Variants in CNTNAP4 observed in about 807,000 individuals in gnomAD.
The protein encoded by CNTNAP4 is contactin associated protein family member 4, also known as contactin-associated protein-like 4.
A neutral mutation model predicts 148.4 loss-of-function variants in CNTNAP4; 98 were observed. That is an observed-to-expected ratio of 0.66 (90% CI 0.56 to 0.78). The LOEUF (loss-of-function observed/expected upper bound fraction) is 0.78, where lower values mean the gene tolerates loss of function less well. Among genes scored for constraint, CNTNAP4 ranks in the 30% least tolerant of loss-of-function variants. The pLI is 0.00. For synonymous variants in CNTNAP4, 730 were observed against 565.1 expected (o/e 1.29, Z -4.14); for missense variants, 1,935 against 1,565.6 (o/e 1.24, Z -3.98).
intron 4 of CNTNAP4, among the ~76,000 whole-genome samples, chr16:76,428,454 G>T (rs1476181967): frequency 2.0e-5 from 3 of 150,982 alleles, no homozygotes; most frequent in Non-Finnish European, 2.9e-5. Context: ...TTTATTTTTA[G>T]CTACTAAAGC....
chr16:76,355,968 G>A (rs1375985294), intron 3 of CNTNAP4, among the ~76,000 whole-genome samples: 2 of 151,752 alleles, frequency 1.3e-5, no homozygotes, highest in East Asian at 1.9e-4. Flanking sequence ...TCTGCCTCCC[G>A]GGTTCAAGCG....
intron 1 of CNTNAP4, among the ~76,000 whole-genome samples, chr16:76,282,878 T>G (rs929110623): frequency 6.6e-6 from 1 of 151,962 alleles, no homozygotes; most frequent in African/African-American, 2.4e-5. Context: ...TTTTCAGTTT[T>G]TTTTCAAAAC....
At chr16:76,318,113 T>C (rs967327382) in intron 2 of CNTNAP4, among the ~76,000 whole-genome samples, 1 of 152,184 alleles carries the variant, frequency 6.6e-6, no homozygotes, top group African/African-American at 2.4e-5. Flanking sequence ...CCTGTACCTA[T>C]GGACCCACCA....
intron 3 of CNTNAP4, 62 bp downstream of exon 3, chr16:76,355,573 G>T: frequency 1.6e-6 from 2 of 1,212,502 alleles, no homozygotes; most frequent in Non-Finnish European, 2.2e-6. Flanking sequence ...ACTGCATCTT[G>T]TTTACCAATC....
chr16:76,473,583 C>G (rs540312815), intron 10 of CNTNAP4, among the ~76,000 whole-genome samples: 2 of 152,156 alleles, frequency 1.3e-5, no homozygotes, highest in African/African-American at 4.8e-5. Flanking sequence ...ACCATCCTGG[C>G]TAACATGGTG....
intron 3 of CNTNAP4, among the ~76,000 whole-genome samples, chr16:76,373,755 C>T (rs879913647): frequency 6.6e-6 from 1 of 151,814 alleles, no homozygotes; most frequent in Non-Finnish European, 1.5e-5. Context: ...ATTAGCCAGG[C>T]ATGGTGGCAG....
At chr16:76,452,843 C>T (rs2080565854) in intron 8 of CNTNAP4, 74 bp downstream of exon 8, 7 of 1,307,074 alleles carry the variant, frequency 5.4e-6, no homozygotes, top group Non-Finnish European at 7.2e-6. Flanking sequence ...AAATTTTATG[C>T]ATAACCAAAA....
At chr16:76,292,599 T>C (rs16944162) in intron 1 of CNTNAP4, among the ~76,000 whole-genome samples, 4,569 of 152,284 alleles carry the variant, frequency 0.03, 234 homozygotes, top group African/African-American at 0.1. Context: ...AGAGGCATGA[T>C]TTACTATTTA....
At chr16:76,478,838 T>C (rs922352786) in intron 11 of CNTNAP4, among the ~76,000 whole-genome samples, 1 of 152,194 alleles carries the variant, frequency 6.6e-6, no homozygotes, top group Non-Finnish European at 1.5e-5. Context: ...GGTGGGAGTT[T>C]CTTTTGTAAA....
At chr16:76,373,961 A>G (rs904440742) in intron 3 of CNTNAP4, among the ~76,000 whole-genome samples, 4 of 152,082 alleles carry the variant, frequency 2.6e-5, no homozygotes, top group Non-Finnish European at 4.4e-5. Context: ...CATAGCCTAC[A>G]GAATTGTGTC....
intron 8 of CNTNAP4, among the ~76,000 whole-genome samples, chr16:76,460,475 G>C (rs2080898505): frequency 1.3e-5 from 2 of 149,954 alleles, no homozygotes. Context: ...TAAGAATATA[G>C]TTAGGGCCAG....
At chr16:76,393,775 G>A (rs1329886994) in intron 3 of CNTNAP4, among the ~76,000 whole-genome samples, 1 of 152,136 alleles carries the variant, frequency 6.6e-6, no homozygotes, top group African/African-American at 2.4e-5. Flanking sequence ...ACTTCAGCCT[G>A]CGGTGCTATG....
At chr16:76,363,072 T>C (rs1193451533) in intron 3 of CNTNAP4, among the ~76,000 whole-genome samples, 1 of 144,896 alleles carries the variant, frequency 6.9e-6, no homozygotes. Flanking sequence ...AAAAAAAAAA[T>C]AGACAATGGG....
chr16:76,457,247 C>A (rs1433352745), intron 8 of CNTNAP4, among the ~76,000 whole-genome samples: 2 of 152,150 alleles, frequency 1.3e-5, no homozygotes, highest in Non-Finnish European at 2.9e-5. Flanking sequence ...CAATTAGAAT[C>A]TAATTTAAAA....
chr16:76,512,876 AATGTTGT>A (rs1367768274), intron 15 of CNTNAP4, among the ~76,000 whole-genome samples: 2 of 152,212 alleles, frequency 1.3e-5, no homozygotes, highest in Non-Finnish European at 2.9e-5. Context: ...AACTGTGTTA[AATGTTGT>A]TAGCTTAAGT....
chr16:76,312,587 A>C (rs994796692), intron 1 of CNTNAP4, among the ~76,000 whole-genome samples: 1 of 152,194 alleles, frequency 6.6e-6, no homozygotes, highest in East Asian at 1.9e-4. Flanking sequence ...AAAAAATAGC[A>C]TGGCAAACCT....
chr16:76,341,724 T>C (rs1964484240), intron 2 of CNTNAP4, among the ~76,000 whole-genome samples: 1 of 152,030 alleles, frequency 6.6e-6, no homozygotes, highest in African/African-American at 2.4e-5. Flanking sequence ...AAAATAGATT[T>C]AGTCTTCAGC....
intron 4 of CNTNAP4, among the ~76,000 whole-genome samples, chr16:76,443,586 G>C (rs1032928848): frequency 1.3e-5 from 2 of 151,696 alleles, no homozygotes; most frequent in African/African-American, 2.4e-5. Flanking sequence ...GGGAGACCCT[G>C]TCCAAAAAAA....
intron 15 of CNTNAP4, among the ~76,000 whole-genome samples, chr16:76,506,471 C>T (rs2082839310): frequency 1.6e-5 from 1 of 63,754 alleles, no homozygotes; most frequent in African/African-American, 3.0e-5. Context: ...GCTTCTCTTC[C>T]GTTCCTTTTT....
Sources: gnomAD v4.1 joint callset for allele counts (sites outside exome capture counted in the v4.1 genomes callset) on GRCh38, gnomAD v4.1.1 for gene constraint, MANE v1.5 for transcripts, NCBI Gene and HGNC (gene_info 2026-07-23, HGNC 2026-07-21) for gene names.